ADGRB3: variants seen among roughly 807,000 people sequenced by gnomAD.
ADGRB3 encodes adhesion G protein-coupled receptor B3.
ADGRB3 carries 37 observed loss-of-function variants against 193.4 expected under a neutral mutation model. That is an observed-to-expected ratio of 0.19 (90% CI 0.15 to 0.25). ADGRB3 has a LOEUF of 0.25. ADGRB3 is among the 10% of genes least tolerant of loss of function. ADGRB3 has a pLI of 1.00. For missense variants in ADGRB3, 1,637 were observed against 1,852.9 expected (o/e 0.88, Z 2.14); for synonymous variants, 690 against 644.2 (o/e 1.07, Z -1.08).
chr6:69,384,960 C>CTT lies in ADGRB3; in HGVS notation c.4380+2037_4380+2038dup, dbSNP rs11397847. On this transcript the variant is annotated intron_variant, in intron 31 of 31. Transcript: ENST00000370598. ...AATAAAGGGGTTTTTCTTTTCTTTT[C>CTT]TTTTTTTTTTTTTCCGGGCTGCTGA... Among the ~76,000 whole-genome samples, 388 of 141,686 alleles carry CTT rather than the reference C, an allele frequency of 2.7e-3. 1 individual carries two copies. Among genetic ancestry groups the CTT allele is most frequent in the Non-Finnish European group, 4.1e-3 (267 of 65,698 alleles). 93.0% of individuals were successfully genotyped at this position (141,686 alleles called of 152,430 possible). A position where few individuals can be genotyped will look rare whatever the true frequency, so the allele number is the denominator to read the frequency against.
At chr6:68,971,921 C>G (rs1026436593) in intron 8 of ADGRB3, among the ~76,000 whole-genome samples, 8 of 152,216 alleles carry the variant, frequency 5.3e-5, no homozygotes, top group African/African-American at 1.9e-4. Context: ...CTGCTGCTCT[C>G]CCTAGGAGAC....
chr6:69,086,022 A>G (rs1469866143), intron 17 of ADGRB3, among the ~76,000 whole-genome samples: 1 of 152,000 alleles, frequency 6.6e-6, no homozygotes, highest in African/African-American at 2.4e-5. Context: ...AATGATTTTC[A>G]TTTGATATAA....
intron 3 of ADGRB3, among the ~76,000 whole-genome samples, chr6:68,685,202 T>C (rs1338142686): frequency 6.6e-6 from 1 of 152,026 alleles, no homozygotes; most frequent in Non-Finnish European, 1.5e-5. Flanking sequence ...ATTAAGAATT[T>C]AAATAAAAGA....
intron 18 of ADGRB3, 108 bp downstream of exon 18, chr6:69,233,524 G>A: frequency 7.3e-7 from 1 of 1,378,894 alleles, no homozygotes; most frequent in Non-Finnish European, 9.5e-7. Flanking sequence ...ATGTTGCAGG[G>A]TACAAAATTG....
At position 69,277,973 on chromosome 6, in the gene ADGRB3, A is replaced by G. The variant is rs553688895; in HGVS notation, c.2814+38747A>G. Reference sequence around the variant, plus strand: ...TTATTATTGTTACTGCTATTTCATTACTGCACTCTATACCGTGAATAGTGT... The same window carrying G: ...TTATTATTGTTACTGCTATTTCATTGCTGCACTCTATACCGTGAATAGTGT... On this transcript the variant is annotated intron_variant, in intron 20 of 31. Coordinates refer to ENST00000370598, the MANE Select transcript of ADGRB3 (RefSeq NM_001704.3). 2.3e-4 allele frequency among the ~76,000 whole-genome samples: 35 copies of G among 152,352 alleles called. No homozygotes were observed. The South Asian group carries it at 4.1e-3, about 18-fold the overall frequency.
Position 68,638,684 on chromosome 6 carries a change from T to A in ADGRB3, c.9T>A (p.Ala3=). 6.2e-7 allele frequency: 1 copy of A among 1,612,584 alleles called. No homozygotes were observed. The highest frequency in any genetic ancestry group is 1.1e-5 in the South Asian group (1 of 90,980). ...AGGCCAAATGACATAGGATGAAGGC[T>A]GTTCGTAACCTGCTGATTTATATAT... is the stretch of plus-strand genomic sequence containing the variant. MK[A]VRNLLIYIFS... is the part of the protein sequence containing the mutation. Residue 3 remains alanine (A), a synonymous_variant, in exon 3 of 32, where the codon GCT becomes GCA. Coordinates refer to ENST00000370598, the MANE Select transcript of ADGRB3 (RefSeq NM_001704.3).
At chr6:68,786,969 G>A (rs1159723208) in intron 3 of ADGRB3, among the ~76,000 whole-genome samples, 1 of 152,216 alleles carries the variant, frequency 6.6e-6, no homozygotes, top group Non-Finnish European at 1.5e-5. Flanking sequence ...TGTTATTGAT[G>A]TATAAGAATG....
intron 17 of ADGRB3, among the ~76,000 whole-genome samples, chr6:69,107,968 C>A (rs931780008): frequency 6.6e-6 from 1 of 151,798 alleles, no homozygotes; most frequent in Non-Finnish European, 1.5e-5. Context: ...ATCATTCATA[C>A]CCCAAACCTC....
chr6:68,924,135 A>G (rs1401263766), intron 3 of ADGRB3, among the ~76,000 whole-genome samples: 1 of 152,052 alleles, frequency 6.6e-6, no homozygotes, highest in Non-Finnish European at 1.5e-5. Context: ...TTTTTAAGCA[A>G]ACTATTACTG....
chr6:69,250,667 G>T (rs528380318), intron 20 of ADGRB3, among the ~76,000 whole-genome samples: 1 of 152,230 alleles, frequency 6.6e-6, no homozygotes, highest in South Asian at 2.1e-4. Context: ...GAGCTGGAAG[G>T]ATCTGCTGTA....
intron 17 of ADGRB3, among the ~76,000 whole-genome samples, chr6:69,171,234 AT>A (rs1374511027): frequency 6.6e-6 from 1 of 152,186 alleles, no homozygotes; most frequent in Non-Finnish European, 1.5e-5. Flanking sequence ...ATAGCCACAT[AT>A]GGCTAATGAC....
Position 69,323,231 on chromosome 6 carries a change from G to T in ADGRB3, c.2815-1641G>T, listed in dbSNP as rs544456685. On this transcript the variant is annotated intron_variant, in intron 20 of 31. Transcript: ENST00000370598. ...CTTTGCTAGTGCATACAATTTAGTT[G>T]AAACAAACGTGGAGGAAAATGAAAG... Among the ~76,000 whole-genome samples the T allele has an allele frequency of 2.0e-4, 30 of 152,040 alleles. No individual in the cohort carries two copies. The South Asian group carries it at 2.5e-3, about 13-fold the overall frequency.
rs370183064 is a variant in ADGRB3, at chr6:68,638,737, G to A, written c.62G>A (p.Gly21Glu). 6.8e-6 allele frequency: 11 copies of A among 1,614,100 alleles called. No homozygotes were observed. Among genetic ancestry groups the A allele is most frequent in the Non-Finnish European group, 8.5e-6 (10 of 1,179,994 alleles). ...IFSTYLLVMF[G>E]FNAAQDFWCS... The stretch of plus-strand genomic sequence containing the variant: ...TCCACCTATCTCCTGGTTATGTTTG[G>A]ATTTAATGCTGCCCAAGACTTCTGG... Residue 21 changes from glycine (G) to glutamate (E), a missense_variant, in exon 3 of 32, where the codon GGA (glycine) becomes GAA (glutamate). Gly to Glu is a moderately conservative substitution (Grantham distance 98). Transcript: ENST00000370598.
intron 6 of ADGRB3, among the ~76,000 whole-genome samples, chr6:68,949,864 A>G (rs529759809): frequency 6.6e-6 from 1 of 151,822 alleles, no homozygotes; most frequent in African/African-American, 2.4e-5. Context: ...ACCATTTAAT[A>G]TTTTTTTCTC....
At chr6:68,862,972 C>A (rs897419426) in intron 3 of ADGRB3, among the ~76,000 whole-genome samples, 2 of 152,104 alleles carry the variant, frequency 1.3e-5, no homozygotes, top group Non-Finnish European at 2.9e-5. Flanking sequence ...TAAGCATTTG[C>A]ATTACTAACA....
rs570143543 is a variant in ADGRB3, at chr6:69,193,714, A to AT, written c.2481-39565dup. Among the ~76,000 whole-genome samples, 245 of 148,518 alleles carry AT rather than the reference A, an allele frequency of 1.6e-3. 1 individual carries two copies. Among genetic ancestry groups the AT allele is most frequent in the East Asian group, 5.7e-3 (29 of 5,082 alleles). On this transcript the variant is annotated intron_variant, in intron 17 of 31. Transcript: ENST00000370598. ...AAACAACTTAACCCTTTGAATCTCA[A>AT]TTTTTTTTTTTACCTAGAATGTAAA...
chr6:69,343,755 G>A (rs77174532), intron 26 of ADGRB3, among the ~76,000 whole-genome samples: 1,834 of 152,132 alleles, frequency 0.012, 10 homozygotes, highest in Non-Finnish European at 0.021. Flanking sequence ...AAAAAAAGAA[G>A]CCATCTGATT....
chr6:68,872,732 G>A (rs541418747), intron 3 of ADGRB3, among the ~76,000 whole-genome samples: 16 of 152,210 alleles, frequency 1.1e-4, no homozygotes. Flanking sequence ...TTGTTTTACG[G>A]TTTATGTGGC....
chr6:68,887,085 A>G (rs547361638), intron 3 of ADGRB3, among the ~76,000 whole-genome samples: 255 of 152,046 alleles, frequency 1.7e-3, no homozygotes, highest in Non-Finnish European at 3.2e-3. Context: ...ACACACACAC[A>G]CATACATATA....
Sources: allele counts gnomAD v4.1 joint callset (sites outside exome capture counted in the v4.1 genomes callset), GRCh38; gene constraint gnomAD v4.1.1; transcripts MANE v1.5; gene names NCBI Gene and HGNC (gene_info 2026-07-23, HGNC 2026-07-21).